Variants in UNC5D observed in about 807,000 individuals in gnomAD.
UNC5D encodes the protein unc-5 netrin receptor D, also known as netrin receptor UNC5D.
A neutral mutation model predicts 105.4 loss-of-function variants in UNC5D; 39 were observed. The ratio of observed to expected loss-of-function variants is 0.37; its 90% CI spans 0.29 to 0.48. UNC5D has a LOEUF of 0.48. UNC5D is among the 20% of genes least tolerant of loss of function. UNC5D has a pLI of 0.98. For synonymous variants in UNC5D, 452 were observed against 450.4 expected (o/e 1.00, Z -0.04); for missense variants, 991 against 1,202.4 (o/e 0.82, Z 2.60).
rs906904625 is a variant in UNC5D at position 35,790,649 on chromosome 8, G to T, written c.*86G>T. ...AAGAGGCCGCTTTCTGCCCAGTGGC[G>T]TTGGGGGAATTCAGCCTTCATTTAT... On this transcript the variant is annotated 3_prime_UTR_variant, in exon 17 of 17. Transcript: ENST00000404895. The T allele has an allele frequency of 2.8e-6, 4 of 1,452,172 alleles. No individual in the cohort carries two copies. The highest frequency in any genetic ancestry group is 3.7e-5 in the Admixed American group (2 of 53,572). 90.0% of individuals were successfully genotyped at this position (1,452,172 alleles called of 1,614,324 possible).
At chr8:35,425,655 C>A (rs1260353008) in intron 1 of UNC5D, among the ~76,000 whole-genome samples, 2 of 152,116 alleles carry the variant, frequency 1.3e-5, no homozygotes, top group Admixed American at 1.3e-4. Context: ...CCCTCAGAAC[C>A]AATTGTCTTT....
chr8:35,487,593 A>ACACACACACACACACACACACAC (rs1415748793), intron 1 of UNC5D, among the ~76,000 whole-genome samples: 1 of 150,472 alleles, frequency 6.6e-6, no homozygotes, highest in African/African-American at 2.5e-5. Context: ...ACACACACAC[A>ACACACACACACACACACACACAC]CCCCACAGAC....
intron 4 of UNC5D, among the ~76,000 whole-genome samples, chr8:35,621,992 T>C (rs72634959): frequency 6.6e-6 from 1 of 152,354 alleles, no homozygotes; most frequent in Non-Finnish European, 1.5e-5. Context: ...GAGATACTAC[T>C]GTTCCTACTT....
At chr8:35,409,911 T>C (rs1364026122) in intron 1 of UNC5D, among the ~76,000 whole-genome samples, 1 of 141,744 alleles carries the variant, frequency 7.1e-6, no homozygotes, top group Non-Finnish European at 1.5e-5. Flanking sequence ...TAAATTATGA[T>C]TTAAGAATCT....
chr8:35,246,014 T>C (rs1803071198), intron 1 of UNC5D, among the ~76,000 whole-genome samples: 1 of 152,164 alleles, frequency 6.6e-6, no homozygotes, highest in Admixed American at 6.5e-5. Flanking sequence ...GCTCGGTCTT[T>C]TCTTGTTTCC....
intron 1 of UNC5D, among the ~76,000 whole-genome samples, chr8:35,526,221 G>A (rs562232488): frequency 6.6e-6 from 1 of 152,230 alleles, no homozygotes; most frequent in South Asian, 2.1e-4. Context: ...TTTGCGACAG[G>A]CCCAGACATT....
chr8:35,593,446 A>G (rs1819300916), intron 3 of UNC5D, among the ~76,000 whole-genome samples: 1 of 151,546 alleles, frequency 6.6e-6, no homozygotes, highest in African/African-American at 2.4e-5. Flanking sequence ...AAAGGAAAAC[A>G]AAAATAACAA....
chr8:35,681,522 T>G (rs1825663613), intron 4 of UNC5D, among the ~76,000 whole-genome samples: 1 of 152,206 alleles, frequency 6.6e-6, no homozygotes, highest in South Asian at 2.1e-4. Flanking sequence ...TGGAAGATAT[T>G]GTGTCACAGG....
intron 1 of UNC5D, among the ~76,000 whole-genome samples, chr8:35,488,001 G>C (rs907206522): frequency 1.1e-4 from 16 of 152,164 alleles, no homozygotes; most frequent in African/African-American, 3.4e-4. Context: ...GTGTGGTCTG[G>C]TTTCTCCTTA....
At chr8:35,421,160 G>C in intron 1 of UNC5D, among the ~76,000 whole-genome samples, 1 of 152,186 alleles carries the variant, frequency 6.6e-6, no homozygotes, top group Middle Eastern at 3.4e-3. Flanking sequence ...TTATCTAAAC[G>C]TGCCTCAGTG....
chr8:35,696,282 A>ATTTTTTTTTTTTTTTTTTTTTT (rs755876112), intron 7 of UNC5D, among the ~76,000 whole-genome samples: 1 of 113,224 alleles, frequency 8.8e-6, no homozygotes, highest in Admixed American at 9.1e-5. Context: ...TCAATATTTA[A>ATTTTTTTTTTTTTTTTTTTTTT]TTTTTTTTTT....
At chr8:35,585,525 TATGTG>T (rs1052018455) in intron 3 of UNC5D, among the ~76,000 whole-genome samples, 6 of 135,528 alleles carry the variant, frequency 4.4e-5, no homozygotes, top group African/African-American at 1.7e-4. Flanking sequence ...GCAACCATAA[TATGTG>T]TGTGTGTGTG....
intron 4 of UNC5D, among the ~76,000 whole-genome samples, chr8:35,606,410 G>A (rs1162979866): frequency 1.3e-5 from 2 of 152,186 alleles, no homozygotes; most frequent in Non-Finnish European, 2.9e-5. Context: ...ACTCTGTGCT[G>A]TTGTCTATGG....
chr8:35,371,460 T>C (rs1802423174), intron 1 of UNC5D, among the ~76,000 whole-genome samples: 1 of 152,108 alleles, frequency 6.6e-6, no homozygotes, highest in Admixed American at 6.5e-5. Flanking sequence ...TTAAAAAATA[T>C]AGTGGGAAAG....
intron 4 of UNC5D, among the ~76,000 whole-genome samples, chr8:35,601,682 G>A (rs929072398): frequency 6.6e-5 from 10 of 152,180 alleles, no homozygotes. Flanking sequence ...TTGCTTATCA[G>A]CTTAAGGAGA....
At chr8:35,771,528 A>C (rs938730387) in intron 15 of UNC5D, among the ~76,000 whole-genome samples, 7 of 152,376 alleles carry the variant, frequency 4.6e-5, no homozygotes, top group Middle Eastern at 3.4e-3. Flanking sequence ...GAAATTTTAC[A>C]AACCATGATA....
chr8:35,731,748 A>C (rs1479155858), intron 11 of UNC5D, among the ~76,000 whole-genome samples: 1 of 152,190 alleles, frequency 6.6e-6, no homozygotes, highest in South Asian at 2.1e-4. Flanking sequence ...GCTAAGCCTT[A>C]GGCAAATACA....
chr8:35,425,473 G>A (rs574926427), intron 1 of UNC5D, among the ~76,000 whole-genome samples: 5 of 152,202 alleles, frequency 3.3e-5, no homozygotes, highest in Admixed American at 2.6e-4. Context: ...CCCCCACCCC[G>A]GTTAAAACAC....
chr8:35,390,572 C>T (rs554045405), intron 1 of UNC5D, among the ~76,000 whole-genome samples: 10 of 152,128 alleles, frequency 6.6e-5, no homozygotes, highest in Admixed American at 3.9e-4. Context: ...ATTGTAAAAA[C>T]GTGTTTCCAA....
Sources: allele counts gnomAD v4.1 joint callset (sites outside exome capture counted in the v4.1 genomes callset), GRCh38; gene constraint gnomAD v4.1.1; transcripts MANE v1.5; gene names NCBI Gene and HGNC (gene_info 2026-07-23, HGNC 2026-07-21).